Variants in PFKFB1 observed in about 807,000 individuals in gnomAD.
PFKFB1 encodes the protein 6-phosphofructo-2-kinase/fructose-2,6-bisphosphatase 1.
In PFKFB1, 34 loss-of-function variants were observed where a neutral mutation model predicts 46.4. The observed-to-expected ratio is 0.73, with a 90% CI of 0.56 to 0.98. PFKFB1 has a LOEUF of 0.98. Among genes scored for constraint, PFKFB1 ranks in the 50% least tolerant of loss-of-function variants. PFKFB1 has a pLI of 0.00. For missense variants in PFKFB1, 393 were observed against 376.3 expected, an observed-to-expected ratio of 1.04 and a Z score of -0.37; for synonymous variants, 119 against 133.8, an observed-to-expected ratio of 0.89 and a Z score of 0.76.
chrX:54,956,346 A>G, intron 6 of PFKFB1, 72 bp from the exon 7 acceptor site: 1 of 1,149,069 alleles, frequency 8.7e-7, no homozygotes, highest in Non-Finnish European at 1.2e-6. Context: ...AAGTTCCCTT[A>G]GAGACCATTG....
At chrX:54,959,982 T>C in intron 3 of PFKFB1, 89 bp from the exon 4 acceptor site, 2 of 643,574 alleles carry the variant, frequency 3.1e-6, no homozygotes, top group Non-Finnish European at 2.5e-6. Context: ...CTGTACCATC[T>C]CTCATGTCTT....
chrX:54,961,059 C>T, intron 2 of PFKFB1, 142 bp from the exon 3 acceptor site: 1 of 343,099 alleles, frequency 2.9e-6, no homozygotes, highest in Non-Finnish European at 5.3e-6. Context: ...ATTATGGCTA[C>T]CAGTTTATTT....
intron 1 of PFKFB1, among the ~76,000 whole-genome samples, chrX:54,963,778 C>T (rs1269542641): frequency 8.9e-6 from 1 of 112,683 alleles, no homozygotes; most frequent in African/African-American, 3.2e-5. Context: ...AGTTTTCCTC[C>T]AGGAACTGCC....
chrX:54,939,231 C>T (rs1292105405), intron 10 of PFKFB1, among the ~76,000 whole-genome samples: 3 of 111,174 alleles, frequency 2.7e-5, no homozygotes, highest in Admixed American at 9.5e-5. Context: ...ATCTCTGGGA[C>T]ACATTTAAAG....
At chrX:54,982,734 G>C (rs1329106836) in intron 1 of PFKFB1, among the ~76,000 whole-genome samples, 1 of 111,026 alleles carries the variant, frequency 9.0e-6, no homozygotes, top group East Asian at 2.8e-4. Flanking sequence ...AGGGATGACT[G>C]TATATGCAAT....
intron 10 of PFKFB1, 108 bp from the exon 11 acceptor site, chrX:54,937,832 C>T (rs1933456888): frequency 1.5e-6 from 1 of 686,528 alleles, no homozygotes; most frequent in Non-Finnish European, 2.2e-6. Flanking sequence ...AGTGCCAGTT[C>T]AATTGTTGAC....
intron 1 of PFKFB1, among the ~76,000 whole-genome samples, chrX:54,969,543 C>T (rs1161398530): frequency 1.8e-5 from 2 of 111,797 alleles, no homozygotes; most frequent in African/African-American, 6.5e-5. Flanking sequence ...GATTAAGATG[C>T]CCCAAATTAT....
chrX:54,941,761 C>G (rs753609467), intron 10 of PFKFB1, among the ~76,000 whole-genome samples: 95 of 111,654 alleles, frequency 8.5e-4, no homozygotes, highest in Admixed American at 2.0e-3. Context: ...TGGAGAGGAT[C>G]TGGAGAAATA....
chrX:54,995,106 C>T (rs1349694048), upstream of PFKFB1, among the ~76,000 whole-genome samples: 1 of 111,757 alleles, frequency 8.9e-6, no homozygotes, highest in Non-Finnish European at 1.9e-5. Flanking sequence ...GCCCAGATGA[C>T]TCACTCTCAC....
chrX:54,964,480 G>A (rs1210313547), intron 1 of PFKFB1, among the ~76,000 whole-genome samples: 1 of 112,354 alleles, frequency 8.9e-6, no homozygotes, highest in African/African-American at 3.2e-5. Context: ...AGTAAGTTAT[G>A]ACACAGATGT....
At chrX:54,952,741 C>G (rs915740837) in intron 7 of PFKFB1, among the ~76,000 whole-genome samples, 1 of 110,635 alleles carries the variant, frequency 9.0e-6, no homozygotes, top group Non-Finnish European at 1.9e-5. Context: ...CTCCTCTGTT[C>G]TAGGCATTGT....
intron 11 of PFKFB1, 59 bp from the exon 12 acceptor site, chrX:54,935,068 C>G: frequency 6.7e-6 from 6 of 889,821 alleles, no homozygotes; most frequent in Non-Finnish European, 9.8e-6. Flanking sequence ...CACAGCCTCC[C>G]CAGGCCCCCA....
chrX:54,958,488 C>A, intron 5 of PFKFB1, 126 bp from the exon 6 acceptor site: 1 of 461,895 alleles, frequency 2.2e-6, no homozygotes, highest in South Asian at 3.9e-5. Flanking sequence ...ATAATGCTCT[C>A]ATACAGTGGT....
intron 11 of PFKFB1, 93 bp downstream of exon 11, chrX:54,937,502 C>T: frequency 1.2e-6 from 1 of 825,924 alleles, no homozygotes; most frequent in South Asian, 3.0e-5. Context: ...TCTAGATACT[C>T]TTCTCTTAAC....
At chrX:54,958,221 T>C in intron 6 of PFKFB1, 85 bp downstream of exon 6, 1 of 530,936 alleles carries the variant, frequency 1.9e-6, no homozygotes, top group Non-Finnish European at 3.2e-6. Context: ...CTCATGGAGT[T>C]GCCTTAGGCA....
At chrX:54,940,251 A>C (rs1388366448) in intron 10 of PFKFB1, among the ~76,000 whole-genome samples, 2 of 111,857 alleles carry the variant, frequency 1.8e-5, no homozygotes, top group Admixed American at 9.5e-5. Context: ...TCAAAATAAT[A>C]AGAGCTATTT....
At chrX:54,993,381 C>T (rs778974763) in intron 1 of PFKFB1, among the ~76,000 whole-genome samples, 1 of 111,551 alleles carries the variant, frequency 9.0e-6, no homozygotes, top group African/African-American at 3.3e-5. Context: ...CCAACCTAGG[C>T]AGGTATAGAC....
chrX:54,960,891 C>T lies in PFKFB1; in HGVS notation c.250G>A (p.Glu84Lys), dbSNP rs1414373968. ...KVFNLGQYRREAVSYKNYEFF... is the reference protein window; with the variant it reads ...KVFNLGQYRRKAVSYKNYEFF... ...TCATAGTTCTTGTAGCTCACTGCCT[C>T]TCGTCGATACTGGCCTAAATTAAAC... Residue 84 changes from glutamate to lysine, a missense_variant, in exon 3 of 14, where the codon GAG becomes AAG. Glu to Lys is a moderately conservative substitution (Grantham distance 56, BLOSUM62 1). Coordinates refer to ENST00000375006, the MANE Select transcript of PFKFB1 (RefSeq NM_002625.4). 1.7e-6 allele frequency: 2 copies of T among 1,187,507 alleles called. No homozygotes were observed. Among genetic ancestry groups the T allele is most frequent in the South Asian group, 1.8e-5 (1 of 56,341 alleles).
intron 1 of PFKFB1, among the ~76,000 whole-genome samples, chrX:54,970,457 G>C (rs1440732469): frequency 2.0e-5 from 2 of 98,135 alleles, no homozygotes. Flanking sequence ...TCTATCATTA[G>C]GTATATCTCC....
Sources: allele counts gnomAD v4.1 joint callset (sites outside exome capture counted in the v4.1 genomes callset), GRCh38; gene constraint gnomAD v4.1.1; transcripts MANE v1.5; gene names NCBI Gene and HGNC (gene_info 2026-07-23, HGNC 2026-07-21).